The following ZNF236 variants were observed in gnomAD, a reference collection of about 807,000 sequenced individuals.
ZNF236 encodes zinc finger protein 236.
A neutral mutation model predicts 191.2 loss-of-function variants in ZNF236; 50 were observed. That is an observed-to-expected ratio of 0.26 (90% confidence interval 0.21 to 0.33). ZNF236 has a LOEUF of 0.33. ZNF236 is among the 10% of genes least tolerant of loss of function. The probability of loss-of-function intolerance (pLI) is 1.00; values close to 1 mark genes in which losing one functional copy is unlikely to be tolerated. For synonymous variants in ZNF236, 907 were observed against 928.8 expected, an observed-to-expected ratio of 0.98 and a Z score of 0.43; for missense variants, 1,754 against 2,374.5, an observed-to-expected ratio of 0.74 and a Z score of 5.43.
At chr18:76,863,274 T>C (rs1388536041) in intron 3 of ZNF236, among the ~76,000 whole-genome samples, 1 of 151,910 alleles carries the variant, frequency 6.6e-6, no homozygotes, top group African/African-American at 2.4e-5. Context: ...AGTGTGGGGC[T>C]GGAAATGTAT....
intron 1 of ZNF236, among the ~76,000 whole-genome samples, chr18:76,826,409 C>G (rs1321644827): frequency 6.6e-6 from 1 of 150,658 alleles, no homozygotes; most frequent in African/African-American, 2.4e-5. Flanking sequence ...TAGGCGTGAG[C>G]TACCGCGACC....
intron 30 of ZNF236, among the ~76,000 whole-genome samples, chr18:76,967,036 T>G (rs1377603840): frequency 6.6e-6 from 1 of 151,672 alleles, no homozygotes; most frequent in Admixed American, 6.6e-5. Flanking sequence ...ATGTGTTATT[T>G]GGTTGTTGGA....
chr18:76,837,878 C>CG (rs1295183198), intron 1 of ZNF236, among the ~76,000 whole-genome samples: 2 of 152,190 alleles, frequency 1.3e-5, no homozygotes, highest in Non-Finnish European at 2.9e-5. Flanking sequence ...ACTAGTGTCT[C>CG]TGTCCTTTTG....
chr18:76,928,093 C>G lies in ZNF236; in HGVS notation c.4581C>G (p.Thr1527=). Residue 1527 remains threonine, a synonymous_variant, in exon 25 of 31, where the codon ACC becomes ACG. Coordinates refer to ENST00000320610, the MANE Select transcript of ZNF236 (RefSeq NM_001306089.2). ...TSSSGSPQEI[T]LTISELNTTS... is the part of the protein sequence containing the mutation. Reference sequence around the variant, plus strand: ...CCTCGGGGTCTCCACAGGAAATTACCCTGACTATCTCCGGTTAGTAAGTTA... The same window carrying G: ...CCTCGGGGTCTCCACAGGAAATTACGCTGACTATCTCCGGTTAGTAAGTTA... 1 of 1,609,740 alleles carries G rather than the reference C, an allele frequency of 6.2e-7. No individual in the cohort carries two copies. The highest frequency in any genetic ancestry group is 8.5e-7 in the Non-Finnish European group (1 of 1,178,158).
intron 1 of ZNF236, among the ~76,000 whole-genome samples, chr18:76,847,522 G>T (rs187867972): frequency 8.6e-5 from 13 of 151,934 alleles, no homozygotes; most frequent in Admixed American, 8.5e-4. Flanking sequence ...CTGGAGTGCA[G>T]TGGCGCGATC....
intron 28 of ZNF236, among the ~76,000 whole-genome samples, chr18:76,959,376 A>G (rs547811242): frequency 6.6e-5 from 10 of 152,206 alleles, no homozygotes; most frequent in Admixed American, 3.3e-4. Flanking sequence ...TCATGGCATG[A>G]CGCCCTTGGT....
intron 1 of ZNF236, among the ~76,000 whole-genome samples, chr18:76,846,338 C>G (rs1257709162): frequency 6.6e-6 from 1 of 152,184 alleles, no homozygotes; most frequent in Non-Finnish European, 1.5e-5. Flanking sequence ...CATGATGGAC[C>G]AAAGGTGTTA....
intron 1 of ZNF236, among the ~76,000 whole-genome samples, chr18:76,837,541 A>G (rs1289634326): frequency 6.7e-6 from 1 of 150,252 alleles, no homozygotes; most frequent in African/African-American, 2.5e-5. Flanking sequence ...GCCAGGTTCA[A>G]GCAATTCTCC....
At position 76,969,733 on chromosome 18, in the gene ZNF236, C is replaced by A. The variant is rs1399800474; in HGVS notation, c.*1394C>A. 3 of 152,402 alleles carry A rather than the reference C, an allele frequency of 2.0e-5. No homozygotes were observed. The highest frequency in any genetic ancestry group is 4.4e-5 in the Non-Finnish European group (3 of 68,006). 9.4% of individuals were successfully genotyped at this position (152,402 alleles called of 1,614,324 possible). ...GACTTTGTATATTAAGAGAGGAGCT[C>A]ATTTCAGATTCCTAAAGAAATAGAC... is the stretch of plus-strand genomic sequence containing the variant. On this transcript the variant is annotated 3_prime_UTR_variant, in exon 31 of 31. Transcript: ENST00000320610.
chr18:76,949,261 T>A (rs989476360), intron 27 of ZNF236, among the ~76,000 whole-genome samples: 1 of 152,240 alleles, frequency 6.6e-6, no homozygotes, highest in Non-Finnish European at 1.5e-5. Flanking sequence ...TTTAACATTA[T>A]GATTTTAGCA....
Position 76,913,891 on chromosome 18 carries a change from A to G in ZNF236, c.3054A>G (p.Thr1018=). 1.2e-6 allele frequency: 2 copies of G among 1,614,222 alleles called. No individual in the cohort carries two copies. The highest frequency in any genetic ancestry group is 1.7e-6 in the Non-Finnish European group (2 of 1,180,034). ...GGGTCCTCAAGTCCCACGAGAAGACACACACAGGTCACTGTCTGCCTTATA... is the reference window on the plus strand; with the variant it reads ...GGGTCCTCAAGTCCCACGAGAAGACGCACACAGGTCACTGTCTGCCTTATA... ...SSGVLKSHEK[T]HTGVKAFSCS... The change falls in exon 18 of 31, where the codon ACA becomes ACG. Residue 1018 remains threonine (T), a synonymous_variant. Transcript: ENST00000320610.
At chr18:76,896,838 A>G (rs1977434311) in intron 10 of ZNF236, among the ~76,000 whole-genome samples, 1 of 151,880 alleles carries the variant, frequency 6.6e-6, no homozygotes, top group Non-Finnish European at 1.5e-5. Context: ...ACCACACAGT[A>G]CTGTGCATAG....
At chr18:76,856,985 G>A (rs1268339442) in intron 3 of ZNF236, among the ~76,000 whole-genome samples, 2 of 152,182 alleles carry the variant, frequency 1.3e-5, no homozygotes, top group East Asian at 3.9e-4. Context: ...AACTCGCATG[G>A]AAGGGATGCA....
intron 11 of ZNF236, among the ~76,000 whole-genome samples, chr18:76,903,374 T>G (rs2122736364): frequency 6.6e-6 from 1 of 152,336 alleles, no homozygotes; most frequent in Middle Eastern, 3.4e-3. Flanking sequence ...ACCAGAAGAC[T>G]GTTCCAGGCA....
chr18:76,892,810 G>A (rs567261365), intron 9 of ZNF236, among the ~76,000 whole-genome samples: 9 of 152,190 alleles, frequency 5.9e-5, no homozygotes, highest in African/African-American at 1.7e-4. Flanking sequence ...CAGGTGATCC[G>A]CCCGCCTCGG....
intron 1 of ZNF236, among the ~76,000 whole-genome samples, chr18:76,827,870 A>G (rs1049284667): frequency 6.6e-6 from 1 of 152,174 alleles, no homozygotes; most frequent in Non-Finnish European, 1.5e-5. Context: ...CCTTGAGGGA[A>G]ACCACATTTT....
At position 76,868,813 on chromosome 18, in the gene ZNF236, C is replaced by T. The variant is rs772772226; in HGVS notation, c.492C>T (p.Phe164=). The change falls in exon 4 of 31, where the codon TTC becomes TTT. Residue 164 remains phenylalanine (F), a synonymous_variant. Transcript: ENST00000320610. ...QHACKACKKE[F]ETSSELKEHM... Reference sequence around the variant, plus strand: ...CCTGCAAGGCCTGCAAGAAAGAGTTCGAGACCTCCTCGGAGCTGAAGGAAC... The same window carrying T: ...CCTGCAAGGCCTGCAAGAAAGAGTTTGAGACCTCCTCGGAGCTGAAGGAAC... 9.9e-6 allele frequency: 16 copies of T among 1,613,488 alleles called. No homozygotes were observed. Among genetic ancestry groups the T allele is most frequent in the Middle Eastern group, 1.6e-4 (1 of 6,082 alleles).
chr18:76,943,433 G>C (rs1214566258), intron 26 of ZNF236, among the ~76,000 whole-genome samples: 1 of 152,126 alleles, frequency 6.6e-6, no homozygotes, highest in Non-Finnish European at 1.5e-5. Flanking sequence ...CGTGCATGCA[G>C]AAAATCTATT....
intron 26 of ZNF236, among the ~76,000 whole-genome samples, chr18:76,938,197 C>T (rs186434123): frequency 8.9e-4 from 136 of 151,986 alleles, no homozygotes; most frequent in African/African-American, 3.0e-3. Context: ...TGAGACCAGT[C>T]AGGGCAACGT....
Sources: gnomAD v4.1 joint callset for allele counts (sites outside exome capture counted in the v4.1 genomes callset) on GRCh38, gnomAD v4.1.1 for gene constraint, MANE v1.5 for transcripts, NCBI Gene and HGNC (gene_info 2026-07-23, HGNC 2026-07-21) for gene names.